Variants in CPA5 observed in about 807,000 individuals in gnomAD.
CPA5 encodes carboxypeptidase A5.
In CPA5, 38 loss-of-function variants were observed where a neutral mutation model predicts 52.2. The ratio of observed to expected loss-of-function variants is 0.73; its 90% CI spans 0.56 to 0.95. The LOEUF (loss-of-function observed/expected upper bound fraction) is 0.95, where lower values mean the gene tolerates loss of function less well. Among genes scored for constraint, CPA5 ranks in the 40% least tolerant of loss-of-function variants. The pLI is 0.00. For missense variants in CPA5, 519 were observed against 566.7 expected, an observed-to-expected ratio of 0.92 and a Z score of 0.86; for synonymous variants, 198 against 213.7, an observed-to-expected ratio of 0.93 and a Z score of 0.64.
chr7:130,358,043 A>T (rs953077320), intron 5 of CPA5, among the ~76,000 whole-genome samples: 25 of 150,434 alleles, frequency 1.7e-4, no homozygotes, highest in African/African-American at 5.9e-4. Flanking sequence ...CAGTGGTACG[A>T]TCATAACTCA....
chr7:130,356,106 C>T (rs772177493), intron 5 of CPA5, among the ~76,000 whole-genome samples: 2 of 152,282 alleles, frequency 1.3e-5, no homozygotes, highest in Admixed American at 1.3e-4. Context: ...GGAGAGGCAG[C>T]GGCTGCTGTC....
At chr7:130,370,560 A>G (rs1441446489), downstream of CPA5, among the ~76,000 whole-genome samples, 1 of 152,142 alleles carries the variant, frequency 6.6e-6, no homozygotes, top group Non-Finnish European at 1.5e-5. Flanking sequence ...TCCTGGTATT[A>G]ATAAGTTCAT....
At chr7:130,348,935 C>T (rs1337390322) in intron 4 of CPA5, among the ~76,000 whole-genome samples, 4 of 152,154 alleles carry the variant, frequency 2.6e-5, no homozygotes, top group African/African-American at 7.2e-5. Context: ...CGCACCTGCA[C>T]GCTGTCCACA....
intron 3 of CPA5, 86 bp downstream of exon 3, chr7:130,346,687 G>C: frequency 9.6e-7 from 1 of 1,040,440 alleles, no homozygotes; most frequent in Non-Finnish European, 1.5e-6. Context: ...CCCTGCTGGT[G>C]CCTGATCAAG....
At chr7:130,364,601 T>C (rs1285088725) in intron 10 of CPA5, among the ~76,000 whole-genome samples, 2 of 151,782 alleles carry the variant, frequency 1.3e-5, no homozygotes, top group Admixed American at 6.5e-5. Flanking sequence ...CCACCCAAAG[T>C]GCTGGGATTA....
In CPA5 at chr7:130,345,910, G is replaced by C; in HGVS notation, c.-94+14G>C. On this transcript the variant is annotated intron_variant, in intron 2 of 12. Transcript: ENST00000474905. Reference sequence around the variant, plus strand: ...AAACCCTGTGAGGTAGGGAGGGGAGGTATGATTAACCCCATTTGATGGATG... The same window carrying C: ...AAACCCTGTGAGGTAGGGAGGGGAGCTATGATTAACCCCATTTGATGGATG... 6.6e-6 allele frequency: 1 copy of C among 152,246 alleles called. No homozygotes were observed. The highest frequency in any genetic ancestry group is 1.9e-4 in the East Asian group (1 of 5,198). 9.4% of individuals were successfully genotyped at this position (152,246 alleles called of 1,614,324 possible).
At chr7:130,353,704 C>A (rs1554404575) in intron 5 of CPA5, among the ~76,000 whole-genome samples, 1 of 152,174 alleles carries the variant, frequency 6.6e-6, no homozygotes, top group Non-Finnish European at 1.5e-5. Context: ...CCCCGAGGGC[C>A]CATGCGCCAT....
chr7:130,369,637 GTGTGTGTGTGTGCATGTGTGTGCA>G (rs1796270847), downstream of CPA5, among the ~76,000 whole-genome samples: 1 of 150,162 alleles, frequency 6.7e-6, no homozygotes, highest in Non-Finnish European at 1.5e-5. Flanking sequence ...GTGTGTGTGC[GTGTGTGTGTGTGCATGTGTGTGCA>G]CGTGTGTGCA....
chr7:130,351,588 A>C (rs1795146182), intron 5 of CPA5, among the ~76,000 whole-genome samples: 1 of 152,136 alleles, frequency 6.6e-6, no homozygotes, highest in South Asian at 2.1e-4. Flanking sequence ...TGCAGGGATC[A>C]AGCACTCGCT....
At chr7:130,368,860 G>A, downstream of CPA5, 1 of 469,076 alleles carries the variant, frequency 2.1e-6, no homozygotes, top group Non-Finnish European at 3.7e-6. Flanking sequence ...TCTACCTTCA[G>A]GAAAATAAGG....
chr7:130,372,996 T>G (rs779583984), downstream of CPA5, among the ~76,000 whole-genome samples: 1 of 152,162 alleles, frequency 6.6e-6, no homozygotes, highest in Non-Finnish European at 1.5e-5. Flanking sequence ...CCCACGTGAA[T>G]TTAACAGCTG....
chr7:130,359,549 C>A lies in CPA5; in HGVS notation c.334-40C>A, dbSNP rs1554406007. On this transcript the variant is annotated intron_variant, in intron 5 of 12. Transcript: ENST00000474905. ...CTCAGAAGAGGCATAGCCAGCCCAG[C>A]TCTCCCCTTCCTTTCCAATATGTGT... The A allele has an allele frequency of 5.4e-6, 8 of 1,472,216 alleles. No homozygotes were observed. In the Admixed American group the frequency reaches 1.4e-4, roughly 25 times the overall value. 91.2% of individuals were successfully genotyped at this position (1,472,216 alleles called of 1,614,324 possible).
In CPA5 at chr7:130,359,586, C is replaced by A; in HGVS notation, c.334-3C>A. The A allele has an allele frequency of 1.3e-6, 2 of 1,557,662 alleles. No individual in the cohort carries two copies. Among genetic ancestry groups the A allele is most frequent in the South Asian group, 1.2e-5 (1 of 84,434 alleles). The stretch of plus-strand genomic sequence containing the variant: ...TTTCCAATATGTGTTCCCCATCACC[C>A]AGGTGCTGCTGGATGAGGAAAGACA... On this transcript the variant is annotated splice_region_variant and splice_polypyrimidine_tract_variant and intron_variant, in intron 5 of 12. Transcript: ENST00000474905.
chr7:130,374,371 C>A, the CPA5 span, among the ~76,000 whole-genome samples: 4 of 152,114 alleles, frequency 2.6e-5, no homozygotes, highest in Non-Finnish European at 4.4e-5. Flanking sequence ...GAATCCATTC[C>A]CTCTGGTCGT....
intron 11 of CPA5, 36 bp downstream of exon 11, chr7:130,367,607 C>T: frequency 1.3e-6 from 2 of 1,570,922 alleles, no homozygotes; most frequent in South Asian, 1.1e-5. Flanking sequence ...GGAGAAGAGA[C>T]CGCTTCACAG....
intron 5 of CPA5, among the ~76,000 whole-genome samples, chr7:130,359,178 G>T (rs1298010100): frequency 6.6e-6 from 1 of 152,192 alleles, no homozygotes; most frequent in African/African-American, 2.4e-5. Flanking sequence ...AGCAATGTTG[G>T]CAGTAGACTG....
At chr7:130,355,899 G>T (rs1554405098) in intron 5 of CPA5, among the ~76,000 whole-genome samples, 2 of 152,180 alleles carry the variant, frequency 1.3e-5, no homozygotes, top group Non-Finnish European at 2.9e-5. Flanking sequence ...CATCACTGTT[G>T]TCTGTGTGGC....
At chr7:130,360,772 G>A (rs1414252096) in intron 6 of CPA5, among the ~76,000 whole-genome samples, 1 of 152,228 alleles carries the variant, frequency 6.6e-6, no homozygotes, top group Non-Finnish European at 1.5e-5. Context: ...TACAAAGCCT[G>A]TCAGATCTGT....
intron 2 of CPA5, among the ~76,000 whole-genome samples, 175 bp downstream of exon 2, chr7:130,346,071 G>A (rs1035940517): frequency 6.6e-6 from 1 of 152,200 alleles, no homozygotes; most frequent in Non-Finnish European, 1.5e-5. Context: ...TATGGCCCAG[G>A]GAAAGCATGA....
Sources: gnomAD v4.1 joint callset for allele counts (sites outside exome capture counted in the v4.1 genomes callset) on GRCh38, gnomAD v4.1.1 for gene constraint, MANE v1.5 for transcripts, NCBI Gene and HGNC (gene_info 2026-07-23, HGNC 2026-07-21) for gene names.